Variants in ADAM12 observed in about 807,000 individuals in gnomAD.
The protein encoded by ADAM12 is disintegrin and metalloproteinase domain-containing protein 12.
In ADAM12, 70 loss-of-function variants were observed where a neutral mutation model predicts 106.4. That is an observed-to-expected ratio of 0.66 (90% CI 0.54 to 0.80). ADAM12 has a LOEUF of 0.80. Ranked by LOEUF, ADAM12 falls within the 30% of genes least tolerant of loss-of-function variation. The probability of loss-of-function intolerance (pLI) is 0.00; values close to 1 mark genes in which losing one functional copy is unlikely to be tolerated. For synonymous variants in ADAM12, 420 were observed against 433.5 expected, an observed-to-expected ratio of 0.97 and a Z score of 0.39; for missense variants, 1,010 against 1,171.9, an observed-to-expected ratio of 0.86 and a Z score of 2.02.
At chr10:126,059,356 C>T (rs1209823168) in intron 14 of ADAM12, among the ~76,000 whole-genome samples, 2 of 152,320 alleles carry the variant, frequency 1.3e-5, no homozygotes, top group South Asian at 2.1e-4. Flanking sequence ...GGCATTTTTA[C>T]AGACAACTGG....
chr10:126,098,504 G>T lies in ADAM12; in HGVS notation c.912-4C>A. The T allele has an allele frequency of 1.9e-6, 3 of 1,611,646 alleles. No homozygotes were observed. The highest frequency in any genetic ancestry group is 2.5e-6 in the Non-Finnish European group (3 of 1,177,876). ...GGTCCCTTGGAAATAAACCCCACTA[G>T]GAAATAAAAGAGAGGACTTTCTTTA... On this transcript the variant is annotated splice_polypyrimidine_tract_variant and splice_region_variant and intron_variant, in intron 9 of 22. Transcript: ENST00000448723.
intron 3 of ADAM12, among the ~76,000 whole-genome samples, chr10:126,260,067 G>A (rs1158704737): frequency 2.0e-5 from 3 of 152,176 alleles, no homozygotes; most frequent in Non-Finnish European, 4.4e-5. Context: ...AGTGACACCT[G>A]GGTCCCACCT....
At chr10:126,259,922 G>C (rs80314400) in intron 3 of ADAM12, among the ~76,000 whole-genome samples, 8 of 152,294 alleles carry the variant, frequency 5.3e-5, no homozygotes, top group Admixed American at 6.5e-5. Flanking sequence ...GTCTGGTTTA[G>C]GTGTCTGTCA....
At chr10:126,207,275 T>A (rs1006827963) in intron 3 of ADAM12, among the ~76,000 whole-genome samples, 1 of 152,226 alleles carries the variant, frequency 6.6e-6, no homozygotes, top group African/African-American at 2.4e-5. Flanking sequence ...AGGGGTTTAC[T>A]GTGCCTCATT....
At chr10:126,326,372 A>C (rs1401464199) in intron 2 of ADAM12, among the ~76,000 whole-genome samples, 2 of 152,214 alleles carry the variant, frequency 1.3e-5, no homozygotes, top group Non-Finnish European at 2.9e-5. Context: ...GGTGAACACC[A>C]AATTAGACAG....
intron 2 of ADAM12, among the ~76,000 whole-genome samples, chr10:126,315,870 G>T (rs940308528): frequency 6.6e-6 from 1 of 152,212 alleles, no homozygotes; most frequent in Non-Finnish European, 1.5e-5. Flanking sequence ...ACACAGACAT[G>T]GGCAGCTAGT....
chr10:126,137,696 T>C (rs559362619), intron 4 of ADAM12, among the ~76,000 whole-genome samples: 1 of 152,220 alleles, frequency 6.6e-6, no homozygotes. Flanking sequence ...AGTTCATTCA[T>C]ACTGAGGCAT....
intron 8 of ADAM12, among the ~76,000 whole-genome samples, chr10:126,107,520 T>C (rs1240090169): frequency 6.6e-6 from 1 of 152,316 alleles, no homozygotes; most frequent in East Asian, 1.9e-4. Flanking sequence ...TCAAATCGAA[T>C]AAGATTGCTT....
chr10:126,249,903 T>C (rs1958712052), intron 3 of ADAM12, among the ~76,000 whole-genome samples: 2 of 152,144 alleles, frequency 1.3e-5, no homozygotes, highest in Non-Finnish European at 2.9e-5. Flanking sequence ...TGGTCCTCTG[T>C]CAAGCTGCAA....
At chr10:126,229,772 G>C (rs1450557955) in intron 3 of ADAM12, among the ~76,000 whole-genome samples, 6 of 151,928 alleles carry the variant, frequency 3.9e-5, no homozygotes, top group African/African-American at 1.5e-4. Flanking sequence ...TTCGTGCTCT[G>C]TTCATGCCTG....
At chr10:126,063,837 T>A (rs1374935615) in intron 14 of ADAM12, among the ~76,000 whole-genome samples, 2 of 152,170 alleles carry the variant, frequency 1.3e-5, no homozygotes, top group Admixed American at 1.3e-4. Flanking sequence ...GCCTTGGATC[T>A]CTGACCCCAG....
rs1958576424 is a variant in ADAM12 at position 126,243,729 on chromosome 10, C to T, written c.260+35186G>A. Among the ~76,000 whole-genome samples the T allele has an allele frequency of 2.0e-5, 3 of 152,208 alleles. No homozygotes were observed. The South Asian group carries it at 6.2e-4, about 32-fold the overall frequency. On this transcript the variant is annotated intron_variant, in intron 3 of 22. Transcript: ENST00000448723. Reference sequence around the variant, plus strand: ...ATACCCTGCTTTGTAGGTGTTTATACGCAACTATCTAGACATTTTAGAGAA... The same window carrying T: ...ATACCCTGCTTTGTAGGTGTTTATATGCAACTATCTAGACATTTTAGAGAA...
intron 3 of ADAM12, among the ~76,000 whole-genome samples, chr10:126,223,171 C>T (rs928929909): frequency 6.6e-6 from 1 of 152,158 alleles, no homozygotes; most frequent in Non-Finnish European, 1.5e-5. Flanking sequence ...TGGGGGAAGA[C>T]TTTTGCTTAT....
intron 3 of ADAM12, among the ~76,000 whole-genome samples, chr10:126,231,435 A>G (rs1007747363): frequency 6.6e-6 from 1 of 151,486 alleles, no homozygotes; most frequent in African/African-American, 2.4e-5. Flanking sequence ...ATACCATACG[A>G]ATGTCTTAAT....
intron 3 of ADAM12, among the ~76,000 whole-genome samples, chr10:126,178,406 ATCTTTTTTTT>A (rs1306311515): frequency 3.3e-5 from 4 of 120,868 alleles, no homozygotes; most frequent in African/African-American, 1.1e-4. Flanking sequence ...ATTGGAGGAC[ATCTTTTTTTT>A]TTTTTTTTTT....
At chr10:126,191,029 T>G (rs1320874121) in intron 3 of ADAM12, among the ~76,000 whole-genome samples, 1 of 129,092 alleles carries the variant, frequency 7.7e-6, no homozygotes, top group African/African-American at 3.0e-5. Context: ...TCAGACAGAG[T>G]CTTGCTCTGT....
intron 1 of ADAM12, among the ~76,000 whole-genome samples, chr10:126,365,241 C>G (rs1249688454): frequency 6.6e-6 from 1 of 152,118 alleles, no homozygotes; most frequent in Non-Finnish European, 1.5e-5. Flanking sequence ...GCTTCCGGTG[C>G]CATCGTTTAC....
At chr10:126,257,356 T>C (rs1958913276) in intron 3 of ADAM12, among the ~76,000 whole-genome samples, 1 of 152,194 alleles carries the variant, frequency 6.6e-6, no homozygotes, top group Non-Finnish European at 1.5e-5. Flanking sequence ...AAATGTTCCA[T>C]TTGTATTGAG....
At chr10:126,106,400 C>A (rs1955768177) in intron 8 of ADAM12, among the ~76,000 whole-genome samples, 1 of 151,874 alleles carries the variant, frequency 6.6e-6, no homozygotes, top group Admixed American at 6.6e-5. Flanking sequence ...TCCCTTCGAG[C>A]CTCTCTCAAT....
Sources: allele counts gnomAD v4.1 joint callset (sites outside exome capture counted in the v4.1 genomes callset), GRCh38; gene constraint gnomAD v4.1.1; transcripts MANE v1.5; gene names NCBI Gene and HGNC (gene_info 2026-07-23, HGNC 2026-07-21).